Variants in SGCD observed in about 807,000 individuals in gnomAD.
SGCD encodes the protein delta-sarcoglycan.
In SGCD, 18 loss-of-function variants were observed where a neutral mutation model predicts 36.6. That is an observed-to-expected ratio of 0.49 (90% CI 0.34 to 0.73). The LOEUF is 0.73. Among genes scored for constraint, SGCD ranks in the 30% least tolerant of loss-of-function variants. The probability of loss-of-function intolerance (pLI) is 0.01; values close to 1 mark genes in which losing one functional copy is unlikely to be tolerated. For missense variants in SGCD, 387 were observed against 346.7 expected, an observed-to-expected ratio of 1.12 and a Z score of -0.92; for synonymous variants, 133 against 130.6, an observed-to-expected ratio of 1.02 and a Z score of -0.12.
intron 4 of SGCD, among the ~76,000 whole-genome samples, chr5:156,546,567 A>C (rs1158271972): frequency 6.6e-6 from 1 of 152,052 alleles, no homozygotes; most frequent in Non-Finnish European, 1.5e-5. Flanking sequence ...CTTTCAGATT[A>C]TTTTATCTCA....
chr5:156,610,961 A>G (rs1761773674), intron 6 of SGCD, among the ~76,000 whole-genome samples: 1 of 152,204 alleles, frequency 6.6e-6, no homozygotes, highest in African/African-American at 2.4e-5. Flanking sequence ...TTGACTAGGA[A>G]AGGGAATTCC....
chr5:155,847,061 G>A, the SGCD span, among the ~76,000 whole-genome samples: 4 of 152,174 alleles, frequency 2.6e-5, no homozygotes, highest in African/African-American at 9.7e-5. Flanking sequence ...TTCTTAGTGA[G>A]AACTGCAGCT....
At chr5:156,357,003 T>G (rs1247058057) in intron 3 of SGCD, among the ~76,000 whole-genome samples, 1 of 151,394 alleles carries the variant, frequency 6.6e-6, no homozygotes, top group Non-Finnish European at 1.5e-5. Flanking sequence ...CTTCTAGAAC[T>G]TTGAGAAAAT....
chr5:155,861,734 AAAAG>A, the SGCD span, among the ~76,000 whole-genome samples: 10 of 151,912 alleles, frequency 6.6e-5, no homozygotes, highest in Non-Finnish European at 1.3e-4. Context: ...AAATAAATAA[AAAAG>A]AAAGAAAAAG....
At chr5:156,005,282 C>T (rs1758734285) in intron 1 of SGCD, among the ~76,000 whole-genome samples, 1 of 152,120 alleles carries the variant, frequency 6.6e-6, no homozygotes, top group South Asian at 2.1e-4. Context: ...TCTGATTGAT[C>T]TTGCTTTCCA....
chr5:155,884,499 C>T (rs555308895), intron 1 of SGCD, among the ~76,000 whole-genome samples: 1 of 152,300 alleles, frequency 6.6e-6, no homozygotes, highest in East Asian at 1.9e-4. Context: ...TGAAAAACTA[C>T]ATAGAGCTGC....
intron 1 of SGCD, among the ~76,000 whole-genome samples, chr5:155,936,866 C>T (rs1336611393): frequency 1.1e-4 from 17 of 152,354 alleles, no homozygotes; most frequent in African/African-American, 4.8e-5. Flanking sequence ...TCCCATGCTC[C>T]TTGGTGGCTA....
intron 7 of SGCD, among the ~76,000 whole-genome samples, chr5:156,650,296 T>C (rs993457908): frequency 1.3e-5 from 2 of 152,162 alleles, no homozygotes; most frequent in African/African-American, 4.8e-5. Flanking sequence ...TCAAAAGTTA[T>C]AGGTATGTCC....
At chr5:156,353,908 A>T (rs1293103256) in intron 3 of SGCD, among the ~76,000 whole-genome samples, 1 of 152,236 alleles carries the variant, frequency 6.6e-6, no homozygotes, top group Non-Finnish European at 1.5e-5. Flanking sequence ...AATGTAAAGC[A>T]TCAGGGATGA....
chr5:155,969,660 A>C (rs924005042), intron 1 of SGCD, among the ~76,000 whole-genome samples: 1 of 152,132 alleles, frequency 6.6e-6, no homozygotes, highest in African/African-American at 2.4e-5. Flanking sequence ...TGAGACCTGC[A>C]ATAGCTCACT....
At chr5:156,715,669 A>G (rs1755188556) in intron 7 of SGCD, among the ~76,000 whole-genome samples, 1 of 152,334 alleles carries the variant, frequency 6.6e-6, no homozygotes, top group South Asian at 2.1e-4. Context: ...CTTGCCACTT[A>G]TTAACTATGT....
At chr5:156,411,376 G>T (rs1772742908) in intron 3 of SGCD, among the ~76,000 whole-genome samples, 1 of 152,218 alleles carries the variant, frequency 6.6e-6, no homozygotes, top group Non-Finnish European at 1.5e-5. Flanking sequence ...AAGTACAGGG[G>T]TCGCATGGAG....
At chr5:156,376,126 A>C (rs190020857) in intron 3 of SGCD, among the ~76,000 whole-genome samples, 1 of 152,352 alleles carries the variant, frequency 6.6e-6, no homozygotes, top group Non-Finnish European at 1.5e-5. Flanking sequence ...TTGCTCACTC[A>C]CCTGGAAACA....
intron 6 of SGCD, among the ~76,000 whole-genome samples, chr5:156,626,971 T>G (rs1762462811): frequency 6.6e-6 from 1 of 152,212 alleles, no homozygotes; most frequent in Non-Finnish European, 1.5e-5. Flanking sequence ...AGGTGTGATC[T>G]CATAGTTTGA....
the SGCD span, among the ~76,000 whole-genome samples, chr5:155,847,732 G>T: frequency 1.3e-5 from 2 of 152,162 alleles, no homozygotes; most frequent in Non-Finnish European, 2.9e-5. Context: ...AGACGGTCCA[G>T]CCAGTCCCAC....
intron 1 of SGCD, among the ~76,000 whole-genome samples, chr5:156,042,261 C>T (rs1042337632): frequency 4.0e-5 from 6 of 151,608 alleles, no homozygotes; most frequent in Non-Finnish European, 7.4e-5. Flanking sequence ...GTGTTAAGCA[C>T]CTGAAAGTGT....
chr5:155,733,801 G>C, the SGCD span, among the ~76,000 whole-genome samples: 1 of 151,954 alleles, frequency 6.6e-6, no homozygotes, highest in African/African-American at 2.4e-5. Context: ...ACTTTGGTCT[G>C]GTGATTTGAC....
intron 3 of SGCD, among the ~76,000 whole-genome samples, chr5:156,417,107 A>T (rs1369678458): frequency 1.3e-5 from 2 of 152,188 alleles, no homozygotes; most frequent in African/African-American, 4.8e-5. Flanking sequence ...TTAGAGAAAA[A>T]AATGTATTTG....
At chr5:155,832,366 T>C in the SGCD span, among the ~76,000 whole-genome samples, 6 of 152,210 alleles carry the variant, frequency 3.9e-5, no homozygotes, top group Non-Finnish European at 7.3e-5. Context: ...CTAACATTTA[T>C]GATCTAACAT....
Sources: gnomAD v4.1 joint callset for allele counts (sites outside exome capture counted in the v4.1 genomes callset) on GRCh38, gnomAD v4.1.1 for gene constraint, MANE v1.5 for transcripts, NCBI Gene and HGNC (gene_info 2026-07-23, HGNC 2026-07-21) for gene names.